Variants in NREP observed in about 807,000 individuals in gnomAD.
NREP encodes the protein neuronal regeneration-related protein.
A neutral mutation model predicts 8.6 loss-of-function variants in NREP; 5 were observed. That is an observed-to-expected ratio of 0.58 (90% confidence interval 0.30 to 1.22). NREP has a LOEUF of 1.22. NREP is among the 50% of genes most tolerant of loss of function. The pLI, the probability that NREP is intolerant of heterozygous loss-of-function variation, is 0.07. For missense variants in NREP, 86 were observed against 82.5 expected (o/e 1.04, Z -0.17); for synonymous variants, 27 against 28.0 (o/e 0.96, Z 0.11).
At position 111,792,193 on chromosome 5, in the gene NREP, C is replaced by T. The variant is rs1436509652; in HGVS notation, c.136-56686G>A. On this transcript the variant is annotated intron_variant, in intron 2 of 3. Transcript: ENST00000395634. Reference sequence around the variant, plus strand: ...GATAGCTTAGAGCCAATTTTATAGCCGAGGTTTTATAATGATATAAGCTCT... The same window carrying T: ...GATAGCTTAGAGCCAATTTTATAGCTGAGGTTTTATAATGATATAAGCTCT... 3.9e-5 allele frequency among the ~76,000 whole-genome samples: 6 copies of T among 152,110 alleles called. No individual in the cohort carries two copies. In the South Asian group the frequency reaches 8.3e-4, roughly 21 times the overall value.
chr5:111,923,102 C>T (rs1242831365), intron 2 of NREP, among the ~76,000 whole-genome samples: 1 of 152,132 alleles, frequency 6.6e-6, no homozygotes, highest in African/African-American at 2.4e-5. Flanking sequence ...TCTCTCCTTC[C>T]AATTGGTGGC....
intron 2 of NREP, among the ~76,000 whole-genome samples, chr5:111,735,816 G>A (rs910341890): frequency 3.9e-5 from 6 of 152,140 alleles, no homozygotes; most frequent in South Asian, 2.1e-4. Flanking sequence ...CTAAGTCATC[G>A]GGGAGGTCTA....
chr5:111,819,642 T>C (rs1393444654), intron 2 of NREP, among the ~76,000 whole-genome samples: 2 of 152,256 alleles, frequency 1.3e-5, no homozygotes. Flanking sequence ...TGCAAGCCTC[T>C]GGTCATAACA....
At chr5:111,779,020 G>T (rs1751428260) in intron 2 of NREP, among the ~76,000 whole-genome samples, 1 of 145,864 alleles carries the variant, frequency 6.9e-6, no homozygotes. Flanking sequence ...GAAACTCCTT[G>T]ATATATGAGT....
chr5:111,950,036 C>T (rs1202132402), intron 2 of NREP, among the ~76,000 whole-genome samples: 1 of 152,056 alleles, frequency 6.6e-6, no homozygotes, highest in Non-Finnish European at 1.5e-5. Context: ...AACTAATTTA[C>T]ACTCCCACCA....
At chr5:111,739,024 T>C (rs1479279580) in intron 2 of NREP, 1 of 152,178 alleles carries the variant, frequency 6.6e-6, no homozygotes, top group Non-Finnish European at 1.5e-5. Context: ...AGCGTCCAGA[T>C]TGTTAGAAAA....
intron 2 of NREP, among the ~76,000 whole-genome samples, chr5:111,953,054 C>G (rs1756209724): frequency 6.6e-6 from 1 of 152,108 alleles, no homozygotes; most frequent in Non-Finnish European, 1.5e-5. Flanking sequence ...CTATACTTTG[C>G]TGCAGCTGAA....
At chr5:111,902,076 A>G (rs1260341708) in intron 2 of NREP, among the ~76,000 whole-genome samples, 5 of 152,188 alleles carry the variant, frequency 3.3e-5, no homozygotes, top group Non-Finnish European at 7.3e-5. Flanking sequence ...TAACCAAAAC[A>G]GCATAGTACT....
intron 2 of NREP, among the ~76,000 whole-genome samples, chr5:111,781,307 C>T (rs772718312): frequency 4.6e-5 from 7 of 152,136 alleles, no homozygotes; most frequent in African/African-American, 9.7e-5. Context: ...CTTCCTCTCA[C>T]GATGCCTGCT....
intron 2 of NREP, among the ~76,000 whole-genome samples, chr5:111,806,035 C>G (rs191572453): frequency 3.3e-5 from 5 of 152,092 alleles, no homozygotes; most frequent in African/African-American, 1.2e-4. Flanking sequence ...TTTTATTTGT[C>G]AATTAAGAAA....
intron 2 of NREP, among the ~76,000 whole-genome samples, chr5:111,823,235 T>A (rs60610846): frequency 0.048 from 7,287 of 152,198 alleles, 590 homozygotes; most frequent in African/African-American, 0.16. Context: ...AGGGAAGACA[T>A]TAATCTATTC....
At chr5:111,738,072 A>G (rs1247783071) in intron 2 of NREP, among the ~76,000 whole-genome samples, 1 of 152,176 alleles carries the variant, frequency 6.6e-6, no homozygotes, top group Non-Finnish European at 1.5e-5. Context: ...GGTATCTAAG[A>G]ACTCAGCATA....
chr5:111,820,362 C>A (rs1231434492), intron 2 of NREP, among the ~76,000 whole-genome samples: 8 of 152,174 alleles, frequency 5.3e-5, no homozygotes, highest in African/African-American at 1.7e-4. Flanking sequence ...ACTGCAAAAG[C>A]TTCACAAGTA....
chr5:111,889,197 G>T (rs1754334741), intron 2 of NREP, among the ~76,000 whole-genome samples: 1 of 152,186 alleles, frequency 6.6e-6, no homozygotes, highest in Non-Finnish European at 1.5e-5. Context: ...CTTCTGGGGA[G>T]GCCCCAGGAA....
intron 2 of NREP, among the ~76,000 whole-genome samples, chr5:111,928,744 C>G (rs902309783): frequency 1.4e-4 from 21 of 152,078 alleles, no homozygotes; most frequent in Admixed American, 1.3e-3. Flanking sequence ...AGGAAGTCAG[C>G]TGCAAAAGGG....
At chr5:111,974,405 G>A (rs201123097) in intron 2 of NREP, 24 of 60,640 alleles carry the variant, frequency 4.0e-4, no homozygotes, top group East Asian at 1.8e-3. Flanking sequence ...ACATTAGAAC[G>A]CATCATAAAC....
At chr5:111,782,532 T>C (rs1229683103) in intron 2 of NREP, among the ~76,000 whole-genome samples, 4 of 152,208 alleles carry the variant, frequency 2.6e-5, no homozygotes, top group Admixed American at 2.0e-4. Context: ...ATTTCATTTA[T>C]ACTTAACTAT....
chr5:111,923,446 T>A (rs1374594980), intron 2 of NREP, among the ~76,000 whole-genome samples: 1 of 152,172 alleles, frequency 6.6e-6, no homozygotes, highest in African/African-American at 2.4e-5. Context: ...GGGAGGAAGG[T>A]GGCTGGATTG....
chr5:111,928,430 A>G (rs942111059), intron 2 of NREP, among the ~76,000 whole-genome samples: 1 of 152,170 alleles, frequency 6.6e-6, no homozygotes, highest in Non-Finnish European at 1.5e-5. Flanking sequence ...AATTTATGTC[A>G]GAAAAAAATC....
Sources: allele counts gnomAD v4.1 joint callset (sites outside exome capture counted in the v4.1 genomes callset), GRCh38; gene constraint gnomAD v4.1.1; transcripts MANE v1.5; gene names NCBI Gene and HGNC (gene_info 2026-07-23, HGNC 2026-07-21).